The following TTN variants were observed in gnomAD, a reference collection of about 807,000 sequenced individuals.
TTN encodes the protein connectin.
A neutral mutation model predicts 3,223.0 loss-of-function variants in TTN; 1,525 were observed. The observed-to-expected ratio is 0.47, with a 90% CI of 0.45 to 0.49. The LOEUF is 0.49. TTN is among the 20% of genes least tolerant of loss of function. The pLI, the probability that TTN is intolerant of heterozygous loss-of-function variation, is 0.00. For missense variants in TTN, 40,786 were observed against 43,424.0 expected, an observed-to-expected ratio of 0.94 and a Z score of 5.40; for synonymous variants, 14,094 against 15,161.0, an observed-to-expected ratio of 0.93 and a Z score of 5.17.
At chr2:178,803,237 G>A (rs2094152363) in intron 2 of TTN, among the ~76,000 whole-genome samples, 1 of 152,088 alleles carries the variant, frequency 6.6e-6, no homozygotes, top group South Asian at 2.1e-4. Context: ...TTATTGGACT[G>A]ATTTATGGGT....
In TTN at chr2:178,782,897, G is replaced by T. The variant is rs2092903896; in HGVS notation, c.3009C>A (p.Arg1003=). 1.2e-6 allele frequency: 2 copies of T among 1,614,076 alleles called. No individual in the cohort carries two copies. Among genetic ancestry groups the T allele is most frequent in the South Asian group, 2.2e-5 (2 of 91,080 alleles). The part of the protein sequence containing the change: ...FQSGIARLMI[R]EAFAEDSGRF... ...GCCCGCTGTCTTCCGCAAATGCTTC[G>T]CGAATCATAAGACGAGCAATTCCAC... is the stretch of plus-strand genomic sequence containing the variant. The change falls in exon 18 of 363, where the codon CGC becomes CGA. Residue 1003 remains arginine (R), a synonymous_variant. Transcript: ENST00000589042.
chr2:178,677,334 T>TCATATA (rs750604232), intron 146 of TTN, 47 bp from the exon 147 acceptor site: 155 of 341,468 alleles, frequency 4.5e-4, no homozygotes, highest in Admixed American at 3.9e-3. Context: ...ATATACATGG[T>TCATATA]CATATATATA....
Position 178,531,531 on chromosome 2 carries a change from C to G in TTN, c.105084G>C (p.Thr35028=), listed in dbSNP as rs774968722. The part of the protein sequence containing the change: ...NYKGEASDYA[T]LDVTGGDYTT... ...TATAATCCCCTCCTGTCACGTCCAA[C>G]GTTGCATAGTCAGAAGCTTCGCCCT... is the stretch of plus-strand genomic sequence containing the variant. Residue 35028 remains threonine (T), a synonymous_variant, in exon 358 of 363, where the codon ACG becomes ACC. Transcript: ENST00000589042. 6.2e-7 allele frequency: 1 copy of G among 1,613,968 alleles called. No individual in the cohort carries two copies.
chr2:178,559,488 T>C lies in TTN; in HGVS notation c.86644A>G (p.Ile28882Val). The part of the protein sequence containing the change: ...DGGAPVKNYH[I>V]EKREASKKAW... Reference sequence around the variant, plus strand: ...TTCTTGCTGGCCTCACGTTTTTCTATGTGGTAATTCTTCACTGGTGCTCCA... The same window carrying C: ...TTCTTGCTGGCCTCACGTTTTTCTACGTGGTAATTCTTCACTGGTGCTCCA... Residue 28882 changes from isoleucine to valine, a missense_variant, in exon 326 of 363, where the codon ATA (isoleucine) becomes GTA (valine). Ile to Val is a conservative substitution (Grantham distance 29). Coordinates refer to ENST00000589042, the MANE Select transcript of TTN (RefSeq NM_001267550.2). The C allele has an allele frequency of 1.2e-6, 2 of 1,613,740 alleles. No homozygotes were observed. Among genetic ancestry groups the C allele is most frequent in the Non-Finnish European group, 1.7e-6 (2 of 1,179,726 alleles).
rs56404770 is a variant in TTN, at chr2:178,775,511, A to G, written c.6353T>C (p.Ile2118Thr). Residue 2118 changes from isoleucine to threonine, a missense_variant, in exon 28 of 363, where the codon ATT becomes ACT. Transcript: ENST00000589042. The part of the protein sequence containing the change: ...ECEWYKNGVK[I>T]ERSDRIYWYW... ...CCAGTAGATCCGGTCAGACCGTTCA[A>G]TTTTGACACCATTTTTGTACCATTC... 9.3e-4 allele frequency: 1,497 copies of G among 1,613,952 alleles called. 19 individuals are homozygous for G. The African/African-American group carries it at 0.018, about 19-fold the overall frequency.
At position 178,794,902 on chromosome 2, in the gene TTN, C is replaced by A. The variant is rs371234481; in HGVS notation, c.1245+20G>T. ...AACTAGAATGTGAAATAAGGAAAAACAAAACCATTCTGACAGTACCTCTTT... is the reference window on the plus strand; with the variant it reads ...AACTAGAATGTGAAATAAGGAAAAAAAAAACCATTCTGACAGTACCTCTTT... On this transcript the variant is annotated intron_variant, in intron 7 of 362. Transcript: ENST00000589042. The A allele has an allele frequency of 1.8e-4, 282 of 1,599,856 alleles. No homozygotes were observed. The highest frequency in any genetic ancestry group is 2.4e-4 in the Non-Finnish European group (280 of 1,179,768).
At position 178,725,359 on chromosome 2, in the gene TTN, T is replaced by G; in HGVS notation, c.20836+9A>C. The G allele has an allele frequency of 6.7e-7, 1 of 1,502,870 alleles. No homozygotes were observed. Among genetic ancestry groups the G allele is most frequent in the Non-Finnish European group, 8.9e-7 (1 of 1,124,162 alleles). 93.1% of individuals were successfully genotyped at this position (1,502,870 alleles called of 1,614,324 possible). ...GGCACCAGTTTCTATCGTGGGCTAT[T>G]GTACCAACCTAAGACCATCAGTGTG... On this transcript the variant is annotated intron_variant, in intron 71 of 362. Transcript: ENST00000589042.
chr2:178,622,866 AT>A (rs2058503287), intron 242 of TTN, 99 bp from the exon 243 acceptor site: 1 of 922,306 alleles, frequency 1.1e-6, no homozygotes, highest in Non-Finnish European at 1.7e-6. Context: ...TTTTTTAGGG[AT>A]TTTCCATCTT....
At chr2:178,774,854 A>T (rs962208667) in intron 29 of TTN, 67 bp downstream of exon 29, 44 of 1,586,088 alleles carry the variant, frequency 2.8e-5, no homozygotes, top group Non-Finnish European at 3.7e-5. Flanking sequence ...TGCATAGCTA[A>T]TTTTACCACA....
intron 362 of TTN, 46 bp from the exon 363 acceptor site, chr2:178,527,353 AAAT>A (rs1686886565): frequency 6.4e-7 from 1 of 1,562,098 alleles, no homozygotes; most frequent in Non-Finnish European, 8.6e-7. Context: ...TCACTGAAAA[AAAT>A]AAAGATTTGC....
chr2:178,587,526 G>T lies in TTN; in HGVS notation c.63783C>A (p.Val21261=). 1 of 1,609,014 alleles carries T rather than the reference G, an allele frequency of 6.2e-7. No individual in the cohort carries two copies. The highest frequency in any genetic ancestry group is 1.1e-5 in the South Asian group (1 of 90,558). Reference sequence around the variant, plus strand: ...ATTTTAGTAACCCACCTAATACTCTGACATTTACGAATACAGCCTTTTCTC... The same window carrying T: ...ATTTTAGTAACCCACCTAATACTCTTACATTTACGAATACAGCCTTTTCTC... ...PAGEKAVFVN[V]RVLDTPGPVS... The change falls in exon 306 of 363, where the codon GTC becomes GTA. Residue 21261 remains valine (V), a synonymous_variant. Transcript: ENST00000589042.
rs763825977 is a variant in TTN, at chr2:178,547,895, G to A, written c.93731C>T (p.Ala31244Val). ...TIDVPISGRP[A>V]PKVTWKLEEM... is the part of the protein sequence containing the mutation. Reference sequence around the variant, plus strand: ...TTCCAGTTTCCATGTTACTTTGGGGGCAGGACGACCACTGATTGGTACGTC... The same window carrying A: ...TTCCAGTTTCCATGTTACTTTGGGGACAGGACGACCACTGATTGGTACGTC... Residue 31244 changes from alanine (A) to valine (V), a missense_variant, in exon 339 of 363, where the codon GCC becomes GTC. Ala to Val is a moderately conservative substitution (Grantham distance 64). Transcript: ENST00000589042. The A allele has an allele frequency of 1.6e-5, 26 of 1,613,662 alleles. No individual in the cohort carries two copies. Among genetic ancestry groups the A allele is most frequent in the Non-Finnish European group, 2.1e-5 (25 of 1,179,826 alleles).
rs727505268 is a variant in TTN at position 178,599,605 on chromosome 2, C to G, written c.56296G>C (p.Ala18766Pro). The part of the protein sequence containing the change: ...RSDTGLYTIT[A>P]VNNLGTASKE... Reference sequence around the variant, plus strand: ...GATGCTGTTCCCAGATTATTTACAGCTGTGATGGTATATAAGCCAGTGTCA... The same window carrying G: ...GATGCTGTTCCCAGATTATTTACAGGTGTGATGGTATATAAGCCAGTGTCA... The change falls in exon 289 of 363, where the codon GCT becomes CCT. Residue 18766 changes from alanine to proline, a missense_variant. Physicochemically the swap from Ala to Pro is conservative, Grantham distance 27. Coordinates refer to ENST00000589042, the MANE Select transcript of TTN (RefSeq NM_001267550.2). 45 of 1,607,062 alleles carry G rather than the reference C, an allele frequency of 2.8e-5. No individual in the cohort carries two copies. In the South Asian group the frequency reaches 4.9e-4, roughly 18 times the overall value.
Position 178,582,020 on chromosome 2 carries a change from C to T in TTN, c.66349G>A (p.Ala22117Thr), listed in dbSNP as rs727505036. Reference protein sequence around the residue: ...RKPIIERTLKATGLQEGTEYE... With the variant: ...RKPIIERTLKTTGLQEGTEYE... ...TCGGTACCTTCTTGAAGACCTGTTG[C>T]TTTTAATGTTCTTTCTATAATAGGT... is the stretch of plus-strand genomic sequence containing the variant. The change falls in exon 315 of 363, where the codon GCA becomes ACA. Residue 22117 changes from alanine (A) to threonine (T), a missense_variant. By Grantham distance (58) the Ala-to-Thr change is moderately conservative. Coordinates refer to ENST00000589042, the MANE Select transcript of TTN (RefSeq NM_001267550.2). 2.5e-5 allele frequency: 41 copies of T among 1,613,202 alleles called. No individual in the cohort carries two copies. The Admixed American group carries it at 6.3e-4, about 25-fold the overall frequency.
At chr2:178,712,275 C>A in intron 95 of TTN, 40 bp downstream of exon 95, 1 of 1,607,766 alleles carries the variant, frequency 6.2e-7, no homozygotes, top group Non-Finnish European at 8.5e-7. Context: ...GCCAGATCAT[C>A]GATTGTATAC....
chr2:178,705,078 G>A (rs72650004), intron 103 of TTN, 96 bp downstream of exon 103: 34 of 1,568,058 alleles, frequency 2.2e-5, no homozygotes, highest in South Asian at 1.2e-4. Context: ...ATTAAATGAC[G>A]TCATATAACT....
Position 178,629,324 on chromosome 2 carries a change from T to A in TTN, c.44401A>T (p.Lys14801Ter). The stretch of plus-strand genomic sequence containing the variant: ...ACCTTATCGCTGGGCTCTAGTTTCT[T>A]CCCTTTGAGATACCATTCCACTGGG... ...DIPVEWYLKG[K>*]KLEPSDKVVP... Residue 14801 changes from lysine (K) to a stop codon, truncating the protein, a stop_gained, in exon 240 of 363, where the codon AAG becomes TAG. Transcript: ENST00000589042. LOFTEE classifies it high-confidence loss of function. 1 of 1,612,764 alleles carries A rather than the reference T, an allele frequency of 6.2e-7. No individual in the cohort carries two copies. Among genetic ancestry groups the A allele is most frequent in the South Asian group, 1.1e-5 (1 of 91,040 alleles).
rs370632563 is a variant in TTN, at chr2:178,537,602, A to G, written c.99605T>C (p.Leu33202Pro). Residue 33202 changes from leucine (L) to proline (P), a missense_variant, in exon 355 of 363, where the codon CTG becomes CCG. By Grantham distance (98) the Leu-to-Pro change is moderately conservative. Coordinates refer to ENST00000589042, the MANE Select transcript of TTN (RefSeq NM_001267550.2). ...CACAGCTCCATAATATTTCTCTTTC[A>G]GTGGGTAACCAGGATGGAACTGCGG... is the stretch of plus-strand genomic sequence containing the variant. ...ATPQFHPGYP[L>P]KEKYYGAVGS... 10 of 1,613,570 alleles carry G rather than the reference A, an allele frequency of 6.2e-6. No homozygotes were observed. The highest frequency in any genetic ancestry group is 8.5e-6 in the Non-Finnish European group (10 of 1,179,688).
chr2:178,578,924 G>A lies in TTN; in HGVS notation c.68106C>T (p.Thr22702=). Residue 22702 remains threonine (T), a synonymous_variant, in exon 320 of 363, where the codon ACC becomes ACT. Coordinates refer to ENST00000589042, the MANE Select transcript of TTN (RefSeq NM_001267550.2). The stretch of plus-strand genomic sequence containing the variant: ...CCTCATGAAGTCTGGTTACTCTAAA[G>A]GTGGTTTTCTGGACAGCTGAGGCGC... The part of the protein sequence containing the change: ...VTCASAVQKT[T]FRVTRLHEGM... 6.2e-7 allele frequency: 1 copy of A among 1,613,290 alleles called. No homozygotes were observed. The highest frequency in any genetic ancestry group is 8.5e-7 in the Non-Finnish European group (1 of 1,179,488).
Sources: allele counts gnomAD v4.1 joint callset (sites outside exome capture counted in the v4.1 genomes callset), GRCh38; gene constraint gnomAD v4.1.1; transcripts MANE v1.5; gene names NCBI Gene and HGNC (gene_info 2026-07-23, HGNC 2026-07-21).